OTOGL: variants seen among roughly 807,000 people sequenced by gnomAD.
The protein encoded by OTOGL is otogelin-like protein.
OTOGL carries 285 observed loss-of-function variants against 318.5 expected under a neutral mutation model. That is an observed-to-expected ratio of 0.89 (90% CI 0.81 to 0.99). The LOEUF (loss-of-function observed/expected upper bound fraction) is 0.99, where lower values mean the gene tolerates loss of function less well. Among genes scored for constraint, OTOGL ranks in the 50% least tolerant of loss-of-function variants. The probability of loss-of-function intolerance (pLI) is 0.00; values close to 1 mark genes in which losing one functional copy is unlikely to be tolerated. For synonymous variants in OTOGL, 987 were observed against 936.5 expected (o/e 1.05, Z -0.99); for missense variants, 2,899 against 2,845.6 (o/e 1.02, Z -0.43).
chr12:80,355,978 G>A, intron 47 of OTOGL, 30 bp downstream of exon 47: 1 of 1,591,498 alleles, frequency 6.3e-7, no homozygotes, highest in South Asian at 1.1e-5. Flanking sequence ...ATAGTCAATT[G>A]ATTCCACAAA....
chr12:80,108,545 C>T (rs1316725536), intron 1 of OTOGL, among the ~76,000 whole-genome samples: 3 of 151,250 alleles, frequency 2.0e-5, no homozygotes, highest in Non-Finnish European at 4.4e-5. Context: ...TTATGGCAAT[C>T]TATGTGGGAG....
chr12:80,132,738 A>G (rs1405504982), intron 1 of OTOGL: 1 of 152,230 alleles, frequency 6.6e-6, no homozygotes, highest in Non-Finnish European at 1.5e-5. Flanking sequence ...TGTGCTCTAA[A>G]ATGTAAAGAT....
chr12:80,180,052 A>G (rs942139097), intron 1 of OTOGL, among the ~76,000 whole-genome samples: 3 of 152,250 alleles, frequency 2.0e-5, no homozygotes, highest in African/African-American at 7.2e-5. Context: ...TTATCCTACA[A>G]GTGCTATTAC....
intron 1 of OTOGL, among the ~76,000 whole-genome samples, chr12:80,152,179 C>T (rs1212765189): frequency 6.6e-6 from 1 of 151,778 alleles, no homozygotes; most frequent in Admixed American, 6.6e-5. Flanking sequence ...GGCTCTGTGT[C>T]AGAGAGGAGC....
intron 29 of OTOGL, among the ~76,000 whole-genome samples, chr12:80,308,042 G>T (rs1886328274): frequency 7.1e-6 from 1 of 141,104 alleles, no homozygotes; most frequent in Admixed American, 6.8e-5. Context: ...TGGCCGCGCG[G>T]GGGGCTGATC....
At chr12:80,323,487 A>G (rs952704827) in intron 34 of OTOGL, among the ~76,000 whole-genome samples, 1 of 152,138 alleles carries the variant, frequency 6.6e-6, no homozygotes, top group Non-Finnish European at 1.5e-5. Context: ...CGTCTCTATT[A>G]AAAATATAAA....
chr12:80,262,741 T>A (rs1882648187), intron 19 of OTOGL, among the ~76,000 whole-genome samples: 1 of 152,158 alleles, frequency 6.6e-6, no homozygotes, highest in Admixed American at 6.6e-5. Flanking sequence ...TATACATGTA[T>A]ATATTCAGAT....
In OTOGL at chr12:80,266,427, C is replaced by T. The variant is rs116132492; in HGVS notation, c.2225-24C>T. 3,888 of 1,611,412 alleles carry T rather than the reference C, an allele frequency of 2.4e-3. 74 individuals are homozygous for T. The African/African-American group carries it at 0.045, about 19-fold the overall frequency. On this transcript the variant is annotated intron_variant, in intron 20 of 58. Transcript: ENST00000547103. The stretch of plus-strand genomic sequence containing the variant: ...TTCTATGTGCCATGGCAATCTTTCT[C>T]AAGTGATACTTCTTTGTCCTTAGCT...
intron 26 of OTOGL, among the ~76,000 whole-genome samples, chr12:80,288,665 T>C (rs558767702): frequency 1.4e-4 from 22 of 152,000 alleles, no homozygotes; most frequent in Non-Finnish European, 2.6e-4. Flanking sequence ...TCTGATATCC[T>C]TTCTTCTGCT....
In OTOGL at chr12:80,358,871, G is replaced by T; in HGVS notation, c.6238G>T (p.Glu2080Ter). The T allele has an allele frequency of 6.6e-7, 1 of 1,516,808 alleles. No homozygotes were observed. Among genetic ancestry groups the T allele is most frequent in the South Asian group, 1.2e-5 (1 of 83,382 alleles). The allele number at this position is 1,516,808 out of a possible 1,614,324, so 94.0% of individuals were successfully genotyped here. A position where few individuals can be genotyped will look rare whatever the true frequency, so the allele number is the denominator to read the frequency against. The change falls in exon 52 of 59, where the codon GAA becomes TAA. Residue 2080 changes from glutamate to a stop codon, truncating the protein, a stop_gained. Coordinates refer to ENST00000547103, the MANE Select transcript of OTOGL (RefSeq NM_001378609.3). LOFTEE classifies it high-confidence loss of function. ...TTTTTGCCTTTTAGAATGTAACTGT[G>T]AAAACCTTATTATGCCAACTTGTGA... ...CPTWHCECNC[E>*]NLIMPTCEVG...
intron 1 of OTOGL, among the ~76,000 whole-genome samples, chr12:80,182,984 C>T (rs986025918): frequency 1.3e-5 from 2 of 152,202 alleles, no homozygotes; most frequent in African/African-American, 2.4e-5. Context: ...AGAGTACCCT[C>T]TCTCAAGTTA....
chr12:80,144,830 GT>G (rs1872227117), intron 1 of OTOGL, among the ~76,000 whole-genome samples: 1 of 152,046 alleles, frequency 6.6e-6, no homozygotes, highest in Non-Finnish European at 1.5e-5. Context: ...TTTTTCATAT[GT>G]TTTTTGGCTG....
intron 1 of OTOGL, among the ~76,000 whole-genome samples, chr12:80,204,300 A>G (rs1199084186): frequency 6.6e-6 from 1 of 152,222 alleles, no homozygotes; most frequent in Non-Finnish European, 1.5e-5. Flanking sequence ...TAGGGGAAGC[A>G]GAAGATGATA....
intron 4 of OTOGL, among the ~76,000 whole-genome samples, chr12:80,216,981 A>G (rs949971983): frequency 3.3e-5 from 5 of 152,184 alleles, no homozygotes; most frequent in Non-Finnish European, 5.9e-5. Context: ...AAGAAAGAAA[A>G]AAAAATGTTC....
intron 36 of OTOGL, 139 bp downstream of exon 36, chr12:80,328,883 CT>C (rs1203111890): frequency 6.8e-6 from 7 of 1,026,334 alleles, no homozygotes; most frequent in African/African-American, 4.9e-5. Flanking sequence ...TCTTACATAG[CT>C]TTTTTTCCCT....
At chr12:80,330,574 C>T (rs1339546399) in intron 37 of OTOGL, among the ~76,000 whole-genome samples, 1 of 152,000 alleles carries the variant, frequency 6.6e-6, no homozygotes, top group Non-Finnish European at 1.5e-5. Flanking sequence ...CTCTTATATC[C>T]CCCAAATTAA....
chr12:80,236,111 C>T (rs1879825069), intron 9 of OTOGL, among the ~76,000 whole-genome samples: 1 of 152,222 alleles, frequency 6.6e-6, no homozygotes, highest in East Asian at 1.9e-4. Context: ...TCCAACTCAT[C>T]CTTCAGGGAT....
In OTOGL at chr12:80,160,938, G is replaced by A. The variant is rs141001298; in HGVS notation, c.-19-48475G>A. 1.2e-4 allele frequency among the ~76,000 whole-genome samples: 18 copies of A among 152,208 alleles called. No individual in the cohort carries two copies. In the East Asian group the frequency reaches 3.5e-3, roughly 29 times the overall value. On this transcript the variant is annotated intron_variant, in intron 1 of 58. Coordinates refer to ENST00000547103, the MANE Select transcript of OTOGL (RefSeq NM_001378609.3). ...AAATTAATGGCATTCCCAGCAACGT[G>A]AATGGAACTGGAGGCTATTATTCTA...
intron 1 of OTOGL, among the ~76,000 whole-genome samples, chr12:80,152,215 T>A (rs779761933): frequency 6.6e-6 from 1 of 152,068 alleles, no homozygotes; most frequent in Non-Finnish European, 1.5e-5. Context: ...GATAAAATAC[T>A]GGCTCTTGGT....
Sources: allele counts gnomAD v4.1 joint callset (sites outside exome capture counted in the v4.1 genomes callset), GRCh38; gene constraint gnomAD v4.1.1; transcripts MANE v1.5; gene names NCBI Gene and HGNC (gene_info 2026-07-23, HGNC 2026-07-21).